The following TTLL5 variants were observed in gnomAD, a reference collection of about 807,000 sequenced individuals.
TTLL5 encodes the protein tubulin tyrosine ligase like 5.
Under a neutral mutation model 168.4 loss-of-function variants are expected in TTLL5, and 132 were observed. That is an observed-to-expected ratio of 0.78 (90% confidence interval 0.68 to 0.91). The LOEUF (loss-of-function observed/expected upper bound fraction) is 0.91, where lower values mean the gene tolerates loss of function less well. TTLL5 is among the 40% of genes least tolerant of loss of function. The probability of loss-of-function intolerance (pLI) is 0.00; values close to 1 mark genes in which losing one functional copy is unlikely to be tolerated. For missense variants in TTLL5, 1,545 were observed against 1,581.5 expected, an observed-to-expected ratio of 0.98 and a Z score of 0.39; for synonymous variants, 546 against 558.6, an observed-to-expected ratio of 0.98 and a Z score of 0.32.
chr14:75,902,260 T>C lies in TTLL5; in HGVS notation c.3823+36T>C, dbSNP rs1167746513. 1.9e-6 allele frequency: 3 copies of C among 1,606,898 alleles called. No individual in the cohort carries two copies. The East Asian group carries it at 6.7e-5, about 36-fold the overall frequency. On this transcript the variant is annotated intron_variant, in intron 31 of 31. Coordinates refer to ENST00000298832, the MANE Select transcript of TTLL5 (RefSeq NM_015072.5). ...ACCAGCTCTTCTGCAACTGGATAGA[T>C]GACAGGGAAGGTGTTGGGCTTGGCA... is the stretch of plus-strand genomic sequence containing the variant.
At chr14:75,773,959 G>GAGAGAC in intron 21 of TTLL5, among the ~76,000 whole-genome samples, 1 of 34,194 alleles carries the variant, frequency 2.9e-5, no homozygotes, top group East Asian at 8.7e-4. Context: ...GAGAGAGAAA[G>GAGAGAC]AGAGAGAGAG....
chr14:75,952,029 A>C, intron 31 of TTLL5, among the ~76,000 whole-genome samples: 1 of 152,234 alleles, frequency 6.6e-6, no homozygotes, highest in East Asian at 1.9e-4. Flanking sequence ...ATATTTACAA[A>C]TCATGTATAT....
chr14:75,746,635 C>A (rs1348069325), intron 17 of TTLL5, among the ~76,000 whole-genome samples: 2 of 150,054 alleles, frequency 1.3e-5, no homozygotes, highest in Non-Finnish European at 3.0e-5. Context: ...TGGCTTACTG[C>A]AACCTTGGCT....
intron 28 of TTLL5, among the ~76,000 whole-genome samples, chr14:75,851,039 G>A (rs866626245): frequency 1.5e-4 from 22 of 144,230 alleles, no homozygotes; most frequent in Middle Eastern, 3.6e-3. Context: ...AGAGGTTGCA[G>A]TGAGCCACGA....
chr14:75,946,757 A>G lies in TTLL5; in HGVS notation c.3824-7667A>G, dbSNP rs527516382. On this transcript the variant is annotated intron_variant, in intron 31 of 31. Coordinates refer to ENST00000298832, the MANE Select transcript of TTLL5 (RefSeq NM_015072.5). ...AAATGTTCTAGAGAGAAAAAAAAAAACAACAACACAGTGAAAGAAGGTAGA... is the reference window on the plus strand; with the variant it reads ...AAATGTTCTAGAGAGAAAAAAAAAAGCAACAACACAGTGAAAGAAGGTAGA... Among the ~76,000 whole-genome samples the G allele has an allele frequency of 3.3e-5, 5 of 151,584 alleles. No individual in the cohort carries two copies. In the South Asian group the frequency reaches 1.0e-3, roughly 31 times the overall value.
At chr14:75,757,886 A>G (rs1406339438) in intron 18 of TTLL5, 2 of 1,587,946 alleles carry the variant, frequency 1.3e-6, no homozygotes, top group Admixed American at 3.4e-5. Flanking sequence ...GACTTTTAAA[A>G]GTTGAGAAAT....
chr14:75,884,049 T>C (rs564725183), intron 30 of TTLL5, among the ~76,000 whole-genome samples: 1 of 152,320 alleles, frequency 6.6e-6, no homozygotes, highest in Non-Finnish European at 1.5e-5. Flanking sequence ...TCCTCATGTT[T>C]CCATTTGTAA....
At chr14:75,835,304 A>G (rs909082795) in intron 28 of TTLL5, 1 of 152,206 alleles carries the variant, frequency 6.6e-6, no homozygotes, top group Non-Finnish European at 1.5e-5. Context: ...AAAGTAGAGC[A>G]TTGTCTCCCA....
At chr14:75,891,044 T>C (rs2032377449) in intron 30 of TTLL5, among the ~76,000 whole-genome samples, 1 of 152,162 alleles carries the variant, frequency 6.6e-6, no homozygotes, top group Non-Finnish European at 1.5e-5. Context: ...TTTGGAGGCT[T>C]CCAGGTGCGC....
At chr14:75,761,896 G>A (rs1890672140) in intron 18 of TTLL5, among the ~76,000 whole-genome samples, 1 of 152,144 alleles carries the variant, frequency 6.6e-6, no homozygotes, top group Non-Finnish European at 1.5e-5. Context: ...TATGCATGTT[G>A]AAATGTTTAT....
intron 5 of TTLL5, 73 bp from the exon 6 acceptor site, chr14:75,690,119 C>T: frequency 6.4e-7 from 1 of 1,560,786 alleles, no homozygotes; most frequent in East Asian, 2.2e-5. Flanking sequence ...AACTGTAACT[C>T]TTTAGAATGT....
At chr14:75,706,433 A>C (rs554821861) in intron 7 of TTLL5, among the ~76,000 whole-genome samples, 4 of 152,276 alleles carry the variant, frequency 2.6e-5, no homozygotes, top group African/African-American at 9.6e-5. Flanking sequence ...TTATTGTATA[A>C]ACAACTGTTT....
chr14:75,792,135 ATGCTC>A (rs1426288107), intron 26 of TTLL5, among the ~76,000 whole-genome samples: 1 of 149,538 alleles, frequency 6.7e-6, no homozygotes, highest in African/African-American at 2.5e-5. Flanking sequence ...AAATAATAGA[ATGCTC>A]TGATATTACA....
At position 75,875,229 on chromosome 14, in the gene TTLL5, G is replaced by A. The variant is rs1416219834; in HGVS notation, c.3523-7456G>A. 3.4e-5 allele frequency among the ~76,000 whole-genome samples: 5 copies of A among 148,928 alleles called. No individual in the cohort carries two copies. In the East Asian group the frequency reaches 1.0e-3, roughly 30 times the overall value. On this transcript the variant is annotated intron_variant, in intron 29 of 31. Coordinates refer to ENST00000298832, the MANE Select transcript of TTLL5 (RefSeq NM_015072.5). The stretch of plus-strand genomic sequence containing the variant: ...ATTACAGGCGTGAGCCACTGCGCGC[G>A]GCCTATATTTTTTAACTCAAAAATC...
intron 30 of TTLL5, among the ~76,000 whole-genome samples, chr14:75,883,641 G>GT (rs1208710524): frequency 6.6e-6 from 1 of 152,216 alleles, no homozygotes; most frequent in East Asian, 1.9e-4. Context: ...AGTCATTACT[G>GT]TTTTTTCCTC....
Position 75,707,104 on chromosome 14 carries a change from C to T in TTLL5, c.655+17C>T, listed in dbSNP as rs769072388. ...TCATAGATGGTGAGTTGTGATTAGG[C>T]CCTTGACCAAATTGGGCCAGATTTT... On this transcript the variant is annotated intron_variant, in intron 8 of 31. Transcript: ENST00000298832. The T allele has an allele frequency of 6.2e-7, 1 of 1,606,920 alleles. No individual in the cohort carries two copies. The highest frequency in any genetic ancestry group is 1.1e-5 in the South Asian group (1 of 90,598).
At chr14:75,899,964 C>A (rs2032849435) in intron 30 of TTLL5, among the ~76,000 whole-genome samples, 2 of 142,052 alleles carry the variant, frequency 1.4e-5, no homozygotes, top group East Asian at 2.1e-4. Flanking sequence ...TTTTAAACCA[C>A]TAATACTTTG....
intron 31 of TTLL5, chr14:75,904,256 A>G (rs1325891924): frequency 4.4e-6 from 5 of 1,143,084 alleles, no homozygotes; most frequent in Admixed American, 8.3e-5. Context: ...GTAGTTAACT[A>G]TATTTTTAAG....
chr14:75,804,267 C>T (rs760666214), intron 27 of TTLL5, among the ~76,000 whole-genome samples: 2 of 152,178 alleles, frequency 1.3e-5, no homozygotes, highest in African/African-American at 4.8e-5. Flanking sequence ...AAGATAGATG[C>T]GGAGGTACAT....
Sources: gnomAD v4.1 joint callset for allele counts (sites outside exome capture counted in the v4.1 genomes callset) on GRCh38, gnomAD v4.1.1 for gene constraint, MANE v1.5 for transcripts, NCBI Gene and HGNC (gene_info 2026-07-23, HGNC 2026-07-21) for gene names.